The following OSBPL1A variants were observed in gnomAD, a reference collection of about 807,000 sequenced individuals.
The protein encoded by OSBPL1A is oxysterol-binding protein-related protein 1.
A neutral mutation model predicts 137.1 loss-of-function variants in OSBPL1A; 80 were observed. That is an observed-to-expected ratio of 0.58 (90% confidence interval 0.49 to 0.70). OSBPL1A has a LOEUF of 0.70. OSBPL1A is among the 30% of genes least tolerant of loss of function. OSBPL1A has a pLI of 0.00. For synonymous variants in OSBPL1A, 365 were observed against 389.7 expected (o/e 0.94, Z 0.75); for missense variants, 970 against 1,129.4 (o/e 0.86, Z 2.02).
intron 17 of OSBPL1A, among the ~76,000 whole-genome samples, chr18:24,213,562 T>C (rs1325057366): frequency 6.6e-6 from 1 of 152,162 alleles, no homozygotes; most frequent in Non-Finnish European, 1.5e-5. Flanking sequence ...AGTAGGACTG[T>C]CTCAAAATGA....
intron 22 of OSBPL1A, among the ~76,000 whole-genome samples, 154 bp from the exon 23 acceptor site, chr18:24,171,652 T>C (rs1163685098): frequency 6.6e-6 from 1 of 152,168 alleles, no homozygotes; most frequent in Non-Finnish European, 1.5e-5. Context: ...AATCCTCAAT[T>C]GGTAATCTTC....
chr18:24,271,880 A>C lies in OSBPL1A; in HGVS notation c.1281+8962T>G, dbSNP rs2089729383. On this transcript the variant is annotated intron_variant, in intron 15 of 27. Transcript: ENST00000319481. This position sits in a 1 kb window ranked among gnomAD's most constrained non-coding sequence, Gnocchi z 4.0. ...AGGCGTTGCCCGCCAGCGGCCCAGG[A>C]CTCCCGCGCCGCGCCCGCCCGGGCC... The C allele has an allele frequency of 1.0e-6, 1 of 983,754 alleles. No individual in the cohort carries two copies. Among genetic ancestry groups the C allele is most frequent in the Non-Finnish European group, 1.2e-6 (1 of 829,526 alleles). 60.9% of individuals were successfully genotyped at this position (983,754 alleles called of 1,614,324 possible).
chr18:24,245,769 C>T (rs1567972446), intron 15 of OSBPL1A, among the ~76,000 whole-genome samples: 2 of 152,208 alleles, frequency 1.3e-5, no homozygotes. Flanking sequence ...CCTTTGCTCA[C>T]ATTCAATTTC....
At chr18:24,256,747 A>T (rs12454881) in intron 15 of OSBPL1A, among the ~76,000 whole-genome samples, 51,395 of 151,804 alleles carry the variant, frequency 0.34, 9,391 homozygotes, top group Middle Eastern at 0.47. Flanking sequence ...ATTAGAGCTG[A>T]TAAATTCAGT....
chr18:24,317,083 T>G lies in OSBPL1A; in HGVS notation c.870+66A>C, dbSNP rs1452008818. The stretch of plus-strand genomic sequence containing the variant: ...GATTTTACAAGGCTGTATAAATGAT[T>G]TGGGTCAATCACTTGAAGAACTGAT... On this transcript the variant is annotated intron_variant, in intron 11 of 27. Coordinates refer to ENST00000319481, the MANE Select transcript of OSBPL1A (RefSeq NM_080597.4). 9.3e-6 allele frequency: 14 copies of G among 1,498,280 alleles called. 1 individual carries two copies. Among genetic ancestry groups the G allele is most frequent in the African/African-American group, 6.9e-5 (5 of 72,440 alleles). 92.8% of individuals were successfully genotyped at this position (1,498,280 alleles called of 1,614,324 possible).
At chr18:24,182,373 G>A (rs900186432) in intron 18 of OSBPL1A, among the ~76,000 whole-genome samples, 5 of 152,124 alleles carry the variant, frequency 3.3e-5, no homozygotes, top group Non-Finnish European at 5.9e-5. Context: ...GGTATTTACC[G>A]GAATATTCTG....
intron 15 of OSBPL1A, among the ~76,000 whole-genome samples, chr18:24,264,222 C>T (rs530092527): frequency 2.7e-3 from 408 of 151,970 alleles, no homozygotes; most frequent in Non-Finnish European, 4.8e-3. Context: ...AAGAGAAATA[C>T]AATCAATTGT....
At chr18:24,251,367 T>C (rs1448369902) in intron 15 of OSBPL1A, among the ~76,000 whole-genome samples, 3 of 152,150 alleles carry the variant, frequency 2.0e-5, no homozygotes, top group Non-Finnish European at 2.9e-5. Context: ...CATGGGTGTT[T>C]GCATCACCAT....
At chr18:24,376,437 G>A (rs1036799265) in intron 2 of OSBPL1A, among the ~76,000 whole-genome samples, 8 of 152,216 alleles carry the variant, frequency 5.3e-5, no homozygotes, top group African/African-American at 1.9e-4. Flanking sequence ...ACAGAGTGCC[G>A]ATTGGTGTAT....
At chr18:24,233,018 C>G (rs1294446747) in intron 16 of OSBPL1A, among the ~76,000 whole-genome samples, 1 of 152,198 alleles carries the variant, frequency 6.6e-6, no homozygotes, top group Non-Finnish European at 1.5e-5. Flanking sequence ...AGCAAGAAAG[C>G]CTTTCTAGAG....
intron 13 of OSBPL1A, among the ~76,000 whole-genome samples, chr18:24,310,432 CAAAAAAAAAA>C (rs3039412): frequency 1.1e-5 from 1 of 89,742 alleles, no homozygotes; most frequent in African/African-American, 4.4e-5. Flanking sequence ...ACTAAAAATA[CAAAAAAAAAA>C]AAAAAAAAAA....
intron 15 of OSBPL1A, among the ~76,000 whole-genome samples, chr18:24,266,948 A>G (rs928609212): frequency 5.3e-5 from 8 of 152,072 alleles, no homozygotes; most frequent in African/African-American, 1.9e-4. Context: ...GATAATTGTA[A>G]AATTTAATTT....
chr18:24,233,377 C>A, intron 16 of OSBPL1A, among the ~76,000 whole-genome samples: 1 of 152,156 alleles, frequency 6.6e-6, no homozygotes, highest in South Asian at 2.1e-4. Flanking sequence ...CTCATCCCTC[C>A]TTCCTCCTTT....
intron 5 of OSBPL1A, 97 bp from the exon 6 acceptor site, chr18:24,334,427 G>A (rs1247308741): frequency 1.3e-6 from 1 of 767,298 alleles, no homozygotes; most frequent in Non-Finnish European, 2.0e-6. Flanking sequence ...AAACCAAAAT[G>A]TTTTGGATTG....
chr18:24,369,541 A>G (rs779404223), intron 2 of OSBPL1A, among the ~76,000 whole-genome samples: 88 of 152,124 alleles, frequency 5.8e-4, no homozygotes, highest in Non-Finnish European at 9.4e-4. Context: ...AGATAGCAGT[A>G]CCTCACTTAC....
At chr18:24,303,040 G>A (rs1365468755) in intron 14 of OSBPL1A, among the ~76,000 whole-genome samples, 2 of 151,676 alleles carry the variant, frequency 1.3e-5, no homozygotes, top group African/African-American at 2.4e-5. Context: ...TTGCTCTGTC[G>A]CCCAGGCTAG....
At chr18:24,396,394 A>C (rs1194038604) in intron 1 of OSBPL1A, among the ~76,000 whole-genome samples, 1 of 152,144 alleles carries the variant, frequency 6.6e-6, no homozygotes, top group Non-Finnish European at 1.5e-5. Context: ...TTCATAAACA[A>C]CCTTCACAAA....
intron 5 of OSBPL1A, among the ~76,000 whole-genome samples, chr18:24,338,912 C>T (rs1252956785): frequency 6.6e-6 from 1 of 152,120 alleles, no homozygotes; most frequent in Non-Finnish European, 1.5e-5. Flanking sequence ...CGGGGTTTCA[C>T]CATCTTGGCC....
intron 19 of OSBPL1A, among the ~76,000 whole-genome samples, chr18:24,180,728 T>C (rs2086584328): frequency 6.6e-6 from 1 of 152,078 alleles, no homozygotes; most frequent in Non-Finnish European, 1.5e-5. Flanking sequence ...ATACAAAAAA[T>C]TAGCCAGGCA....
Sources: allele counts gnomAD v4.1 joint callset (sites outside exome capture counted in the v4.1 genomes callset), GRCh38; gene constraint gnomAD v4.1.1; non-coding constraint Gnocchi (gnomAD v3.1); transcripts MANE v1.5; gene names NCBI Gene and HGNC (gene_info 2026-07-23, HGNC 2026-07-21).